PDGFC: variants seen among roughly 807,000 people sequenced by gnomAD.
PDGFC encodes platelet-derived growth factor C.
PDGFC carries 12 observed loss-of-function variants against 35.5 expected under a neutral mutation model. The ratio of observed to expected loss-of-function variants is 0.34; its 90% confidence interval spans 0.22 to 0.55. The LOEUF is 0.55. Among genes scored for constraint, PDGFC ranks in the 20% least tolerant of loss-of-function variants. The pLI is 0.91. For synonymous variants in PDGFC, 159 were observed against 148.8 expected, an observed-to-expected ratio of 1.07 and a Z score of -0.50; for missense variants, 322 against 412.4, an observed-to-expected ratio of 0.78 and a Z score of 1.90.
intron 1 of PDGFC, among the ~76,000 whole-genome samples, chr4:156,889,160 C>T (rs2111189816): frequency 6.6e-6 from 1 of 152,252 alleles, no homozygotes; most frequent in African/African-American, 2.4e-5. Flanking sequence ...CAGAGGCCTA[C>T]CTTCTTCTCA....
At chr4:156,946,748 CTCCTAGAAAATG>C (rs1398377753) in intron 1 of PDGFC, among the ~76,000 whole-genome samples, 1 of 151,966 alleles carries the variant, frequency 6.6e-6, no homozygotes, top group African/African-American at 2.4e-5. Flanking sequence ...ATGACTTCAC[CTCCTAGAAAATG>C]ACCTCACTTA....
chr4:156,901,439 G>T (rs192908611), intron 1 of PDGFC, among the ~76,000 whole-genome samples: 12 of 152,088 alleles, frequency 7.9e-5, no homozygotes, highest in African/African-American at 2.9e-4. Flanking sequence ...GACCAGGAAA[G>T]AATGACTGAC....
At chr4:156,884,101 C>T (rs1472339192) in intron 1 of PDGFC, among the ~76,000 whole-genome samples, 1 of 152,106 alleles carries the variant, frequency 6.6e-6, no homozygotes, top group Non-Finnish European at 1.5e-5. Context: ...AAGGATGCCT[C>T]CAAGAAGGAA....
intron 1 of PDGFC, among the ~76,000 whole-genome samples, chr4:156,954,293 A>G (rs567093960): frequency 5.6e-4 from 85 of 152,122 alleles, no homozygotes; most frequent in Non-Finnish European, 9.4e-4. Flanking sequence ...TGAGAAAATC[A>G]ACTTTATTTC....
chr4:156,837,818 G>A (rs1729098573), intron 2 of PDGFC, among the ~76,000 whole-genome samples: 1 of 152,174 alleles, frequency 6.6e-6, no homozygotes, highest in Non-Finnish European at 1.5e-5. Context: ...CAGACAGGAG[G>A]TTGGGAGTTA....
At chr4:156,923,905 G>A (rs1358983391) in intron 1 of PDGFC, among the ~76,000 whole-genome samples, 1 of 152,126 alleles carries the variant, frequency 6.6e-6, no homozygotes, top group Non-Finnish European at 1.5e-5. Flanking sequence ...GGGGTTTGGG[G>A]GAACAGAGCC....
At chr4:156,955,474 T>C (rs1484927042) in intron 1 of PDGFC, among the ~76,000 whole-genome samples, 3 of 152,050 alleles carry the variant, frequency 2.0e-5, no homozygotes, top group Admixed American at 6.6e-5. Context: ...AATGTATACA[T>C]ATATCAAAAC....
At chr4:156,952,142 A>T (rs1475421716) in intron 1 of PDGFC, among the ~76,000 whole-genome samples, 1 of 151,852 alleles carries the variant, frequency 6.6e-6, no homozygotes, top group Non-Finnish European at 1.5e-5. Context: ...AGTGTTTCAA[A>T]TAATCAAAAC....
chr4:156,895,347 G>T (rs1730605671), intron 1 of PDGFC, among the ~76,000 whole-genome samples: 1 of 151,916 alleles, frequency 6.6e-6, no homozygotes. Context: ...AAAATGAGTG[G>T]GTGTCAGCTG....
chr4:156,769,632 T>A (rs904805824), intron 4 of PDGFC, among the ~76,000 whole-genome samples: 1 of 151,984 alleles, frequency 6.6e-6, no homozygotes, highest in Non-Finnish European at 1.5e-5. Flanking sequence ...CTGAAAATGA[T>A]CCTGTGAAGG....
intron 1 of PDGFC, among the ~76,000 whole-genome samples, chr4:156,854,384 T>A (rs566133866): frequency 8.5e-4 from 129 of 152,292 alleles, no homozygotes; most frequent in African/African-American, 1.4e-3. Flanking sequence ...TGTGTTTACA[T>A]TTTTTCCTTT....
At chr4:156,773,173 T>C (rs187032251) in intron 3 of PDGFC, among the ~76,000 whole-genome samples, 1 of 152,292 alleles carries the variant, frequency 6.6e-6, no homozygotes, top group East Asian at 1.9e-4. Flanking sequence ...ATCTTCATGG[T>C]TCAATTACAA....
At chr4:156,945,541 C>A (rs984276372) in intron 1 of PDGFC, among the ~76,000 whole-genome samples, 1 of 151,432 alleles carries the variant, frequency 6.6e-6, no homozygotes, top group Non-Finnish European at 1.5e-5. Context: ...TTTCCCAAAG[C>A]AGGGGGGCAA....
intron 3 of PDGFC, among the ~76,000 whole-genome samples, chr4:156,806,195 A>G (rs1731764704): frequency 6.6e-6 from 1 of 152,072 alleles, no homozygotes; most frequent in African/African-American, 2.4e-5. Flanking sequence ...GGCAACTTAA[A>G]GGAAGATGAA....
At chr4:156,913,362 GA>G (rs149406000) in intron 1 of PDGFC, among the ~76,000 whole-genome samples, 14 of 146,796 alleles carry the variant, frequency 9.5e-5, no homozygotes, top group East Asian at 4.0e-4. Context: ...ATTTTAAAAA[GA>G]AAAAAAAAAT....
chr4:156,868,188 C>T lies in PDGFC; in HGVS notation c.119-17772G>A, dbSNP rs369974023. On this transcript the variant is annotated intron_variant, in intron 1 of 5. Coordinates refer to ENST00000502773, the MANE Select transcript of PDGFC (RefSeq NM_016205.3). ...ATTAAATACTTTTTGACAAAAAATG[C>T]AGTATATTAAATCCTATGAATGTCA... Among the ~76,000 whole-genome samples, 5 of 152,136 alleles carry T rather than the reference C, an allele frequency of 3.3e-5. No homozygotes were observed. In the East Asian group the frequency reaches 5.8e-4, roughly 18 times the overall value.
At chr4:156,810,710 T>C (rs1267503838) in intron 3 of PDGFC, 127 bp downstream of exon 3, 4 of 642,010 alleles carry the variant, frequency 6.2e-6, no homozygotes, top group African/African-American at 5.7e-5. Flanking sequence ...TTTATTTACA[T>C]AAAAATGAAA....
chr4:156,911,207 C>A (rs922551871), intron 1 of PDGFC, among the ~76,000 whole-genome samples: 1 of 152,098 alleles, frequency 6.6e-6, no homozygotes, highest in Non-Finnish European at 1.5e-5. Context: ...TGAAGAATTG[C>A]ATTTTTAAAG....
intron 1 of PDGFC, among the ~76,000 whole-genome samples, chr4:156,908,149 G>C (rs537379272): frequency 6.6e-6 from 1 of 152,218 alleles, no homozygotes; most frequent in African/African-American, 2.4e-5. Flanking sequence ...CTGGGCGACA[G>C]AGTGAGACTC....
Sources: allele counts gnomAD v4.1 joint callset (sites outside exome capture counted in the v4.1 genomes callset), GRCh38; gene constraint gnomAD v4.1.1; transcripts MANE v1.5; gene names NCBI Gene and HGNC (gene_info 2026-07-23, HGNC 2026-07-21).